Variants in KCNQ3 observed in about 807,000 individuals in gnomAD.
KCNQ3 encodes potassium voltage-gated channel subfamily KQT member 3.
KCNQ3 carries 30 observed loss-of-function variants against 92.5 expected under a neutral mutation model. The ratio of observed to expected loss-of-function variants is 0.32; its 90% CI spans 0.24 to 0.44. KCNQ3 has a LOEUF of 0.44. KCNQ3 is among the 20% of genes least tolerant of loss of function. KCNQ3 has a pLI of 1.00. For missense variants in KCNQ3, 913 were observed against 1,140.3 expected (o/e 0.80, Z 2.87); for synonymous variants, 450 against 468.8 (o/e 0.96, Z 0.52).
intron 1 of KCNQ3, among the ~76,000 whole-genome samples, chr8:132,195,129 G>A (rs1827267697): frequency 6.6e-6 from 1 of 152,154 alleles, no homozygotes; most frequent in South Asian, 2.1e-4. Context: ...GTTGACCACT[G>A]TTTTTCTTCA....
chr8:132,215,068 G>A (rs16904628), intron 1 of KCNQ3, among the ~76,000 whole-genome samples: 2 of 152,050 alleles, frequency 1.3e-5, no homozygotes, highest in Non-Finnish European at 1.5e-5. Flanking sequence ...TGCACCTGTC[G>A]TTCCCCCTGG....
In KCNQ3 at chr8:132,358,381, G is replaced by T. The variant is rs573801027; in HGVS notation, c.386+121766C>A. 3.3e-5 allele frequency among the ~76,000 whole-genome samples: 5 copies of T among 152,302 alleles called. No homozygotes were observed. In the East Asian group the frequency reaches 9.7e-4, roughly 29 times the overall value. ...CTGGGAGTCACTGTGGCTCTACAGA[G>T]AATTCCTTTAGTCTCTGTTTAAGTC... On this transcript the variant is annotated intron_variant, in intron 1 of 14. Transcript: ENST00000388996.
rs150459472 is a variant in KCNQ3 at position 132,369,380 on chromosome 8, T to C, written c.386+110767A>G. ...GAGAGGGAGTTTCTCCATAAATTGT[T>C]TGAAATTCTTCTGCACTGGAGATTT... On this transcript the variant is annotated intron_variant, in intron 1 of 14. Coordinates refer to ENST00000388996, the MANE Select transcript of KCNQ3 (RefSeq NM_004519.4). Among the ~76,000 whole-genome samples the C allele has an allele frequency of 1.3e-3, 196 of 152,260 alleles. 1 individual carries two copies. In the South Asian group the frequency reaches 0.022, roughly 17 times the overall value.
chr8:132,319,311 C>A (rs1268028454), intron 1 of KCNQ3, among the ~76,000 whole-genome samples: 1 of 152,084 alleles, frequency 6.6e-6, no homozygotes, highest in African/African-American at 2.4e-5. Context: ...GAATTTGACC[C>A]TAGGTTTGTC....
intron 1 of KCNQ3, among the ~76,000 whole-genome samples, chr8:132,288,985 T>C (rs1441980310): frequency 2.0e-5 from 3 of 152,192 alleles, no homozygotes; most frequent in Admixed American, 6.5e-5. Flanking sequence ...AGTGAAAAGG[T>C]AGGAGTTCCA....
chr8:132,415,831 C>A (rs1229872274), intron 1 of KCNQ3, among the ~76,000 whole-genome samples: 1 of 152,176 alleles, frequency 6.6e-6, no homozygotes, highest in Non-Finnish European at 1.5e-5. Context: ...ATATCTCTGG[C>A]ATGAAAATTT....
At chr8:132,130,621 T>C (rs1489879047) in intron 14 of KCNQ3, among the ~76,000 whole-genome samples, 1 of 152,196 alleles carries the variant, frequency 6.6e-6, no homozygotes, top group Non-Finnish European at 1.5e-5. Flanking sequence ...GTGGCCTTGC[T>C]AATGTTGCCC....
intron 1 of KCNQ3, among the ~76,000 whole-genome samples, chr8:132,392,018 C>T (rs542663747): frequency 2.0e-5 from 3 of 152,152 alleles, no homozygotes; most frequent in Admixed American, 6.5e-5. Flanking sequence ...TCATTTTTAT[C>T]GGCACGCATC....
chr8:132,253,401 T>G (rs1417138400), intron 1 of KCNQ3, among the ~76,000 whole-genome samples: 1 of 152,184 alleles, frequency 6.6e-6, no homozygotes, highest in African/African-American at 2.4e-5. Context: ...TACTAATCAC[T>G]TACTATGTGC....
chr8:132,436,460 A>G (rs1177322958), intron 1 of KCNQ3, among the ~76,000 whole-genome samples: 1 of 152,230 alleles, frequency 6.6e-6, no homozygotes, highest in Non-Finnish European at 1.5e-5. Context: ...AACTGAAAAC[A>G]GCAGTATGTT....
intron 1 of KCNQ3, among the ~76,000 whole-genome samples, chr8:132,221,961 C>T (rs1217361614): frequency 3.9e-5 from 6 of 152,160 alleles, no homozygotes; most frequent in Admixed American, 3.9e-4. Context: ...ACCATAAAAA[C>T]CCTAGAAGAA....
intron 1 of KCNQ3, among the ~76,000 whole-genome samples, chr8:132,237,956 T>C (rs1005030917): frequency 6.6e-5 from 10 of 152,150 alleles, no homozygotes; most frequent in Non-Finnish European, 1.0e-4. Flanking sequence ...TCCAGCTCCC[T>C]TTCTAACCTC....
chr8:132,188,429 G>A (rs998061902), intron 1 of KCNQ3, among the ~76,000 whole-genome samples: 1 of 152,174 alleles, frequency 6.6e-6, no homozygotes, highest in East Asian at 1.9e-4. Context: ...GCTCTGTAGA[G>A]AAGACCTTGC....
chr8:132,147,082 GC>G (rs369817823), intron 9 of KCNQ3, among the ~76,000 whole-genome samples: 173 of 152,322 alleles, frequency 1.1e-3, no homozygotes, highest in African/African-American at 4.0e-3. Flanking sequence ...TCCATGGGAA[GC>G]AAAAACAACA....
At chr8:132,437,544 C>T (rs1054916116) in intron 1 of KCNQ3, among the ~76,000 whole-genome samples, 6 of 152,200 alleles carry the variant, frequency 3.9e-5, no homozygotes, top group Non-Finnish European at 8.8e-5. Flanking sequence ...AAATTTAATA[C>T]TCTGCATATG....
intron 1 of KCNQ3, among the ~76,000 whole-genome samples, chr8:132,440,108 G>T (rs895770204): frequency 6.6e-6 from 1 of 152,124 alleles, no homozygotes; most frequent in Admixed American, 6.5e-5. Flanking sequence ...TCATTATACT[G>T]AATTGTTTCT....
intron 10 of KCNQ3, 134 bp from the exon 11 acceptor site, chr8:132,140,312 T>C: frequency 1.6e-6 from 1 of 633,346 alleles, no homozygotes; most frequent in South Asian, 1.9e-5. Context: ...GTTGCAAGAC[T>C]CCACGGTATT....
Position 132,187,791 on chromosome 8 carries a change from G to A in KCNQ3, c.387-1610C>T, listed in dbSNP as rs370489554. On this transcript the variant is annotated intron_variant, in intron 1 of 14. Coordinates refer to ENST00000388996, the MANE Select transcript of KCNQ3 (RefSeq NM_004519.4). ...TGGTAGTGATAGTGATGGTGGTGGC[G>A]GTGGTGGTGATAGTGATGGTGGTGG... 1.0e-3 allele frequency among the ~76,000 whole-genome samples: 156 copies of A among 148,784 alleles called. 2 individuals are homozygous for A. In the East Asian group the frequency reaches 0.023, roughly 22 times the overall value.
chr8:132,338,032 G>A (rs980921902), intron 1 of KCNQ3, among the ~76,000 whole-genome samples: 1 of 152,158 alleles, frequency 6.6e-6, no homozygotes, highest in Non-Finnish European at 1.5e-5. Context: ...GAAAACTTAT[G>A]GGCAAATCTC....
Sources: allele counts gnomAD v4.1 joint callset (sites outside exome capture counted in the v4.1 genomes callset), GRCh38; gene constraint gnomAD v4.1.1; transcripts MANE v1.5; gene names NCBI Gene and HGNC (gene_info 2026-07-23, HGNC 2026-07-21).